The following KCTD1 variants were observed in gnomAD, a reference collection of about 807,000 sequenced individuals.
The protein encoded by KCTD1 is BTB/POZ domain-containing protein KCTD1.
A neutral mutation model predicts 66.0 loss-of-function variants in KCTD1; 24 were observed. That is an observed-to-expected ratio of 0.36 (90% confidence interval 0.26 to 0.51). The LOEUF is 0.51. Among genes scored for constraint, KCTD1 ranks in the 20% least tolerant of loss-of-function variants. The pLI, the probability that KCTD1 is intolerant of heterozygous loss-of-function variation, is 0.95. For synonymous variants in KCTD1, 511 were observed against 517.2 expected, an observed-to-expected ratio of 0.99 and a Z score of 0.16; for missense variants, 943 against 1,205.2, an observed-to-expected ratio of 0.78 and a Z score of 3.22.
chr18:26,576,054 C>T (rs7240205), intron 1 of KCTD1, among the ~76,000 whole-genome samples: 97,067 of 152,036 alleles, frequency 0.64, 31,432 homozygotes, highest in African/African-American at 0.75. Flanking sequence ...TCTATACTCC[C>T]TGTAGATAGC....
chr18:26,617,384 G>A (rs914721702), intron 1 of KCTD1, among the ~76,000 whole-genome samples: 10 of 152,178 alleles, frequency 6.6e-5, no homozygotes, highest in Non-Finnish European at 1.0e-4. Context: ...CATAGCTGAC[G>A]CTCCTCAACA....
chr18:26,494,963 A>T (rs1982393104), intron 2 of KCTD1, among the ~76,000 whole-genome samples: 1 of 152,240 alleles, frequency 6.6e-6, no homozygotes, highest in South Asian at 2.1e-4. Flanking sequence ...AAAATCCCTA[A>T]TACCTATTCT....
At position 26,547,911 on chromosome 18, in the gene KCTD1, C is replaced by A; in HGVS notation, c.626G>T (p.Arg209Leu). 6.5e-7 allele frequency: 1 copy of A among 1,543,774 alleles called. No homozygotes were observed. The highest frequency in any genetic ancestry group is 8.7e-7 in the Non-Finnish European group (1 of 1,146,842). ...GGAGCGGGCCTCGGCATAGAAGGAG[C>A]GCAGCACGCGGCACAGCGCCCCCTT... Reference protein sequence around the residue: ...MDKGALCRVLRSFYAEARSKS... With the variant: ...MDKGALCRVLLSFYAEARSKS... The change falls in exon 1 of 5, where the codon CGC becomes CTC. Residue 209 changes from arginine to leucine, a missense_variant. Physicochemically the swap from Arg to Leu is moderately radical, Grantham distance 102. Around this residue, in one of 10 missense-constraint regions of KCTD1, gnomAD observed 96 missense variants for 132.5 expected, o/e 0.72. Coordinates refer to ENST00000580059, the MANE Select transcript of KCTD1 (RefSeq NM_001142730.3).
chr18:26,627,955 C>G (rs1212932910), intron 1 of KCTD1, among the ~76,000 whole-genome samples: 4 of 152,128 alleles, frequency 2.6e-5, no homozygotes, highest in Non-Finnish European at 5.9e-5. Context: ...CAAGCCAGAG[C>G]CCCCAGGGAT....
chr18:26,634,556 G>A (rs374795281), intron 1 of KCTD1, among the ~76,000 whole-genome samples: 6 of 152,086 alleles, frequency 3.9e-5, no homozygotes, highest in East Asian at 3.8e-4. Context: ...CTAAAAGACC[G>A]AGCTAAAAAC....
At chr18:26,528,391 A>C (rs1984272971) in intron 1 of KCTD1, among the ~76,000 whole-genome samples, 1 of 152,176 alleles carries the variant, frequency 6.6e-6, no homozygotes. Flanking sequence ...AAGTCTATAA[A>C]AAGTTAATAA....
At position 26,539,413 on chromosome 18, in the gene KCTD1, C is replaced by T. The variant is rs562612731; in HGVS notation, c.1809+7315G>A. Among the ~76,000 whole-genome samples, 4 of 152,262 alleles carry T rather than the reference C, an allele frequency of 2.6e-5. No homozygotes were observed. In the East Asian group the frequency reaches 5.8e-4, roughly 22 times the overall value. On this transcript the variant is annotated intron_variant, in intron 1 of 4. Transcript: ENST00000580059. Reference sequence around the variant, plus strand: ...GGGCTGATTCAGGGGCACAGAGTGGCGGGATTTTTGCATTTCCCACAAGCT... The same window carrying T: ...GGGCTGATTCAGGGGCACAGAGTGGTGGGATTTTTGCATTTCCCACAAGCT...
upstream of KCTD1, chr18:26,548,646 C>G (rs989914719): frequency 8.9e-7 from 1 of 1,120,444 alleles, no homozygotes; most frequent in African/African-American, 1.6e-5. Context: ...CAAAGCCGGG[C>G]TCTTAAAGGA....
intron 1 of KCTD1, among the ~76,000 whole-genome samples, chr18:26,620,072 A>G (rs1315012237): frequency 6.6e-6 from 1 of 152,110 alleles, no homozygotes; most frequent in Non-Finnish European, 1.5e-5. Flanking sequence ...CAGGTCTCTG[A>G]ACTCCTCGAG....
intron 1 of KCTD1, among the ~76,000 whole-genome samples, chr18:26,608,489 T>C (rs960190542): frequency 1.2e-4 from 19 of 152,210 alleles, no homozygotes; most frequent in African/African-American, 4.3e-4. Context: ...AGAAAGAACC[T>C]GAAGAAAGGC....
rs137955763 is a variant in KCTD1, at chr18:26,509,392, A to T, written c.1810-8142T>A. On this transcript the variant is annotated intron_variant, in intron 1 of 4. Transcript: ENST00000580059. ...TTCTTTTTTTTAAGAATATAATAAAATTTTTTTTAATTTTATTTTTGACAC... is the reference window on the plus strand; with the variant it reads ...TTCTTTTTTTTAAGAATATAATAAATTTTTTTTTAATTTTATTTTTGACAC... 9.0e-3 allele frequency among the ~76,000 whole-genome samples: 1,363 copies of T among 151,852 alleles called. 24 individuals are homozygous for T. Among genetic ancestry groups the T allele is most frequent in the African/African-American group, 0.031 (1,269 of 41,412 alleles).
At chr18:26,611,443 C>T (rs548771683) in intron 1 of KCTD1, among the ~76,000 whole-genome samples, 7 of 152,042 alleles carry the variant, frequency 4.6e-5, no homozygotes, top group Admixed American at 3.9e-4. Context: ...CTCCACCTCC[C>T]GGGTTCAAGT....
At chr18:26,506,800 C>T (rs1983062907) in intron 1 of KCTD1, among the ~76,000 whole-genome samples, 1 of 152,210 alleles carries the variant, frequency 6.6e-6, no homozygotes, top group African/African-American at 2.4e-5. Context: ...TCAATATGGT[C>T]ACCACCAGCC....
chr18:26,461,258 G>A (rs951625721), intron 3 of KCTD1, among the ~76,000 whole-genome samples: 5 of 152,222 alleles, frequency 3.3e-5, no homozygotes, highest in Non-Finnish European at 5.9e-5. Flanking sequence ...GACAGTACTT[G>A]GGGGTCTTTA....
intron 1 of KCTD1, among the ~76,000 whole-genome samples, chr18:26,592,621 T>C (rs1986634813): frequency 6.6e-6 from 1 of 152,236 alleles, no homozygotes; most frequent in African/African-American, 2.4e-5. Flanking sequence ...CCTTCTCTAC[T>C]CCAAAGATCT....
intron 1 of KCTD1, among the ~76,000 whole-genome samples, chr18:26,561,798 A>G (rs1985856789): frequency 6.6e-6 from 1 of 152,126 alleles, no homozygotes; most frequent in Non-Finnish European, 1.5e-5. Context: ...CTCTTTCTCT[A>G]GGAATCAGGG....
intron 1 of KCTD1, among the ~76,000 whole-genome samples, chr18:26,638,394 C>T (rs1987767233): frequency 6.6e-6 from 1 of 152,148 alleles, no homozygotes; most frequent in Non-Finnish European, 1.5e-5. Context: ...GGCCTAAGCA[C>T]AGCATACAAT....
At chr18:26,470,256 C>T (rs1598879664) in intron 3 of KCTD1, among the ~76,000 whole-genome samples, 2 of 145,378 alleles carry the variant, frequency 1.4e-5, no homozygotes, top group East Asian at 2.0e-4. Context: ...ATTTCTCTTA[C>T]TACAGAGGCT....
intron 1 of KCTD1, among the ~76,000 whole-genome samples, chr18:26,626,057 G>C (rs184999078): frequency 1.3e-5 from 2 of 151,838 alleles, no homozygotes; most frequent in East Asian, 3.9e-4. Context: ...CCACCATGAG[G>C]TTTAGGCTGT....
Sources: allele counts gnomAD v4.1 joint callset (sites outside exome capture counted in the v4.1 genomes callset), GRCh38; gene constraint gnomAD v4.1.1; regional missense constraint gnomAD v4.1.1; transcripts MANE v1.5; gene names NCBI Gene and HGNC (gene_info 2026-07-23, HGNC 2026-07-21).